Variants in MYF6 observed in about 807,000 individuals in gnomAD.
The protein encoded by MYF6 is myogenic factor 6.
Under a neutral mutation model 21.7 loss-of-function variants are expected in MYF6, and 20 were observed. That is an observed-to-expected ratio of 0.92 (90% CI 0.65 to 1.34). The LOEUF (loss-of-function observed/expected upper bound fraction) is 1.34. MYF6 is among the 40% of genes most tolerant of loss of function. The pLI is 0.00. For missense variants in MYF6, 320 were observed against 304.1 expected (o/e 1.05, Z -0.39); for synonymous variants, 124 against 124.7 (o/e 0.99, Z 0.04).
rs34563783 is a variant in MYF6, at chr12:80,708,071, C to G, written c.352C>G (p.Arg118Gly). ...CAACGAGGCCTTCGAGGCACTGAAG[C>G]GGCGAACTGTGGCCAACCCCAACCA... ...KINEAFEALK[R>G]RTVANPNQRL... The change falls in exon 1 of 3, where the codon CGG becomes GGG. Residue 118 changes from arginine to glycine, a missense_variant. Physicochemically the swap from Arg to Gly is moderately radical, Grantham distance 125 (BLOSUM62 -2). Transcript: ENST00000228641. 3.4e-5 allele frequency: 55 copies of G among 1,614,036 alleles called. No individual in the cohort carries two copies. Among genetic ancestry groups the G allele is most frequent in the Non-Finnish European group, 4.4e-5 (52 of 1,180,048 alleles).
At position 80,708,526 on chromosome 12, in the gene MYF6, T is replaced by C. The variant is rs1043623666; in HGVS notation, c.522T>C (p.Leu174=). 6.2e-7 allele frequency: 1 copy of C among 1,605,800 alleles called. No homozygotes were observed. Among genetic ancestry groups the C allele is most frequent in the Non-Finnish European group, 8.5e-7 (1 of 1,175,312 alleles). ...CGCTGCCTTGGTTTTCCCTCCAGCTTGAGGGTGCGGATTTCCTGCGCACCT... is the reference window on the plus strand; with the variant it reads ...CGCTGCCTTGGTTTTCCCTCCAGCTCGAGGGTGCGGATTTCCTGCGCACCT... ...PFSYRPKQEN[L]EGADFLRTCS... is the part of the protein sequence containing the mutation. Residue 174 remains leucine (L), a splice_region_variant and synonymous_variant, in exon 2 of 3, where the codon CTT becomes CTC. Coordinates refer to ENST00000228641, the MANE Select transcript of MYF6 (RefSeq NM_002469.3).
At chr12:80,708,700 A>T (rs878942634) in intron 2 of MYF6, 86 bp downstream of exon 2, 2 of 1,530,972 alleles carry the variant, frequency 1.3e-6, no homozygotes, top group South Asian at 2.2e-5. Flanking sequence ...AAGCGAGAGC[A>T]GGGACGCGCC....
In MYF6 at chr12:80,707,994, C is replaced by A; in HGVS notation, c.275C>A (p.Thr92Asn). Reference protein sequence around the residue: ...CKTCKRKSAPTDRRKAATLRE... With the variant: ...CKTCKRKSAPNDRRKAATLRE... The stretch of plus-strand genomic sequence containing the variant: ...ACCTGCAAGAGAAAATCTGCCCCCA[C>A]TGACCGGCGAAAAGCCGCCACCCTG... The change falls in exon 1 of 3, where the codon ACT becomes AAT. Residue 92 changes from threonine to asparagine, a missense_variant. Thr to Asn is a moderately conservative substitution (Grantham distance 65). Transcript: ENST00000228641. 3 of 1,614,172 alleles carry A rather than the reference C, an allele frequency of 1.9e-6. No individual in the cohort carries two copies. The highest frequency in any genetic ancestry group is 2.5e-6 in the Non-Finnish European group (3 of 1,180,044).
rs1868404719 is a variant in MYF6, at chr12:80,708,346, C to A, written c.519+108C>A. On this transcript the variant is annotated intron_variant, in intron 1 of 2. Transcript: ENST00000228641. ...TCTTTTTTCCCTTCCCCCTTTCTCG[C>A]CCGCCCCTCCCGCTCCGTCTCTAAT... The A allele has an allele frequency of 2.7e-6, 4 of 1,455,330 alleles. No individual in the cohort carries two copies. In the Admixed American group the frequency reaches 8.0e-5, roughly 29 times the overall value. The allele number at this position is 1,455,330 out of a possible 1,614,324, so 90.2% of individuals were successfully genotyped here. A position where few individuals can be genotyped will look rare whatever the true frequency, so the allele number is the denominator to read the frequency against.
Position 80,708,606 on chromosome 12 carries a change from C to G in MYF6, c.602C>G (p.Ala201Gly), listed in dbSNP as rs375228457. ...CATTCCAGGGGGCTCGTGATAACGG[C>G]TAAGGAAGGTAAAGTAAAAGGGCTC... ...SDHSRGLVITAKEGGASIDSS... is the reference protein window; with the variant it reads ...SDHSRGLVITGKEGGASIDSS... The change falls in exon 2 of 3, where the codon GCT becomes GGT. Residue 201 changes from alanine to glycine, a missense_variant. Ala to Gly is a moderately conservative substitution (Grantham distance 60). Coordinates refer to ENST00000228641, the MANE Select transcript of MYF6 (RefSeq NM_002469.3). 1 of 1,614,086 alleles carries G rather than the reference C, an allele frequency of 6.2e-7. No individual in the cohort carries two copies. The highest frequency in any genetic ancestry group is 2.2e-5 in the East Asian group (1 of 44,850).
chr12:80,707,878 G>C lies in MYF6; in HGVS notation c.159G>C (p.Gly53=). 1 of 1,614,206 alleles carries C rather than the reference G, an allele frequency of 6.2e-7. No individual in the cohort carries two copies. ...PCQDQMPPEA[G]SDSSGEEHVL... ...AGGACCAAATGCCCCCGGAAGCGGG[G>C]AGCGACAGCAGCGGAGAGGAACATG... Residue 53 remains glycine (G), a synonymous_variant, in exon 1 of 3, where the codon GGG becomes GGC. Transcript: ENST00000228641.
Position 80,708,971 on chromosome 12 carries a change from G to A in MYF6, c.*11G>A, listed in dbSNP as rs900475235. 6.3e-7 allele frequency: 1 copy of A among 1,588,422 alleles called. No individual in the cohort carries two copies. The highest frequency in any genetic ancestry group is 2.2e-5 in the East Asian group (1 of 44,772). ...GTGGTGGAGAAGTAACTGAGCCTGC[G>A]CTTGAGACCTTCTCCACGCAGCAGG... On this transcript the variant is annotated 3_prime_UTR_variant, in exon 3 of 3. Transcript: ENST00000228641.
Position 80,709,274 on chromosome 12 carries a change from G to T in MYF6, c.*314G>T, listed in dbSNP as rs886524913. The T allele has an allele frequency of 7.2e-6, 2 of 278,090 alleles. No homozygotes were observed. The highest frequency in any genetic ancestry group is 5.0e-5 in the South Asian group (1 of 20,002). 17.2% of individuals were successfully genotyped at this position (278,090 alleles called of 1,614,324 possible). A position where few individuals can be genotyped will look rare whatever the true frequency, so the allele number is the denominator to read the frequency against. ...TAACTTTTATTACGGTGATCCTTTT[G>T]TGCCATGTTCAAAAGAAGTTCATTC... On this transcript the variant is annotated 3_prime_UTR_variant, in exon 3 of 3. Transcript: ENST00000228641.
At position 80,707,941 on chromosome 12, in the gene MYF6, C is replaced by G; in HGVS notation, c.222C>G (p.Pro74=). The stretch of plus-strand genomic sequence containing the variant: ...CGGGCCTGCAGCCTCCACACTGCCC[C>G]GGCCAGTGTCTGATCTGGGCTTGCA... ...APPGLQPPHC[P]GQCLIWACKT... The change falls in exon 1 of 3, where the codon CCC becomes CCG. Residue 74 remains proline, a synonymous_variant. Transcript: ENST00000228641. 1 of 1,614,150 alleles carries G rather than the reference C, an allele frequency of 6.2e-7. No individual in the cohort carries two copies. Among genetic ancestry groups the G allele is most frequent in the East Asian group, 2.2e-5 (1 of 44,866 alleles).
Position 80,708,245 on chromosome 12 carries a change from C to T in MYF6, c.519+7C>T. The T allele has an allele frequency of 1.9e-6, 3 of 1,607,240 alleles. No homozygotes were observed. The highest frequency in any genetic ancestry group is 1.7e-6 in the Non-Finnish European group (2 of 1,178,552). Reference sequence around the variant, plus strand: ...CAGACCCAAACAAGAAAATGTAAGCCTAGATGCTGCCGGGGCAGGGAAATG... The same window carrying T: ...CAGACCCAAACAAGAAAATGTAAGCTTAGATGCTGCCGGGGCAGGGAAATG... On this transcript the variant is annotated splice_region_variant and intron_variant, in intron 1 of 2. Coordinates refer to ENST00000228641, the MANE Select transcript of MYF6 (RefSeq NM_002469.3).
intron 2 of MYF6, 45 bp downstream of exon 2, chr12:80,708,659 G>A (rs760817661): frequency 1.9e-6 from 3 of 1,593,994 alleles, no homozygotes; most frequent in Admixed American, 1.7e-5. Context: ...AATCCGGGAG[G>A]TGGATAGGAT....
At chr12:80,708,288 C>G (rs767696453) in intron 1 of MYF6, 50 bp downstream of exon 1, 1 of 1,581,906 alleles carries the variant, frequency 6.3e-7, no homozygotes. Flanking sequence ...TGATTAAACG[C>G]CTTCCGCGGG....
chr12:80,707,642 A>G lies in MYF6; in HGVS notation c.-78A>G, dbSNP rs1868381531. 6.4e-7 allele frequency: 1 copy of G among 1,553,016 alleles called. No homozygotes were observed. Among genetic ancestry groups the G allele is most frequent in the South Asian group, 1.1e-5 (1 of 89,192 alleles). On this transcript the variant is annotated 5_prime_UTR_variant, in exon 1 of 3. Coordinates refer to ENST00000228641, the MANE Select transcript of MYF6 (RefSeq NM_002469.3). Reference sequence around the variant, plus strand: ...TCGACTTATGTCACTGCACTAATTAAATGCCATCTGGGTGGTTCCTCTGGG... The same window carrying G: ...TCGACTTATGTCACTGCACTAATTAGATGCCATCTGGGTGGTTCCTCTGGG...
At position 80,708,958 on chromosome 12, in the gene MYF6, T is replaced by A. The variant is rs762081940; in HGVS notation, c.727T>A (p.Ter243LysextTer24). Reference sequence around the variant, plus strand: ...CTGCGTGGAGGAAGTGGTGGAGAAGTAACTGAGCCTGCGCTTGAGACCTTC... The same window carrying A: ...CTGCGTGGAGGAAGTGGTGGAGAAGAAACTGAGCCTGCGCTTGAGACCTTC... ...LPCVEEVVEK[*>K] The change falls in exon 3 of 3, where the codon TAA becomes AAA. Residue 243 changes from the stop codon to lysine, a stop_lost. Coordinates refer to ENST00000228641, the MANE Select transcript of MYF6 (RefSeq NM_002469.3). 2.5e-6 allele frequency: 4 copies of A among 1,609,122 alleles called. No homozygotes were observed. The South Asian group carries it at 4.4e-5, about 18-fold the overall frequency.
At position 80,709,074 on chromosome 12, in the gene MYF6, A is replaced by G. The variant is rs1353576256; in HGVS notation, c.*114A>G. 4.8e-6 allele frequency: 4 copies of G among 841,368 alleles called. No homozygotes were observed. The South Asian group carries it at 5.8e-5, about 12-fold the overall frequency. The allele number at this position is 841,368 out of a possible 1,614,324, so 52.1% of individuals were successfully genotyped here. On this transcript the variant is annotated 3_prime_UTR_variant, in exon 3 of 3. Transcript: ENST00000228641. ...TTAACATTTAGGAACCCAGACCGAAAAGTTGCTGAAAGGGAAGGAGACACA... is the reference window on the plus strand; with the variant it reads ...TTAACATTTAGGAACCCAGACCGAAGAGTTGCTGAAAGGGAAGGAGACACA...
chr12:80,708,516 C>G lies in MYF6; in HGVS notation c.520-8C>G. The G allele has an allele frequency of 7.0e-7, 1 of 1,437,104 alleles. No individual in the cohort carries two copies. Among genetic ancestry groups the G allele is most frequent in the Non-Finnish European group, 9.4e-7 (1 of 1,067,222 alleles). 89.0% of individuals were successfully genotyped at this position (1,437,104 alleles called of 1,614,324 possible). On this transcript the variant is annotated splice_region_variant and splice_polypyrimidine_tract_variant and intron_variant, in intron 1 of 2. Coordinates refer to ENST00000228641, the MANE Select transcript of MYF6 (RefSeq NM_002469.3). The stretch of plus-strand genomic sequence containing the variant: ...CCTAATCTGCCGCTGCCTTGGTTTT[C>G]CCTCCAGCTTGAGGGTGCGGATTTC...
Position 80,708,915 on chromosome 12 carries a change from G to A in MYF6, c.684G>A (p.Ser228=), listed in dbSNP as rs775844624. Residue 228 remains serine, a synonymous_variant, in exon 3 of 3, where the codon TCG becomes TCA. Coordinates refer to ENST00000228641, the MANE Select transcript of MYF6 (RefSeq NM_002469.3). ...CLSSIVDSIS[S]EERKLPCVEE... Reference sequence around the variant, plus strand: ...CTTCCATCGTGGACAGTATTTCCTCGGAGGAACGCAAACTCCCCTGCGTGG... The same window carrying A: ...CTTCCATCGTGGACAGTATTTCCTCAGAGGAACGCAAACTCCCCTGCGTGG... 1.9e-6 allele frequency: 3 copies of A among 1,614,192 alleles called. No homozygotes were observed. Among genetic ancestry groups the A allele is most frequent in the East Asian group, 2.2e-5 (1 of 44,872 alleles).
chr12:80,708,980 C>A lies in MYF6; in HGVS notation c.*20C>A. On this transcript the variant is annotated 3_prime_UTR_variant, in exon 3 of 3. Transcript: ENST00000228641. ...AAGTAACTGAGCCTGCGCTTGAGAC[C>A]TTCTCCACGCAGCAGGAAGATCCCA... 2.6e-6 allele frequency: 4 copies of A among 1,558,286 alleles called. No individual in the cohort carries two copies. Among genetic ancestry groups the A allele is most frequent in the South Asian group, 1.1e-5 (1 of 89,930 alleles).
Position 80,708,008 on chromosome 12 carries a change from G to A in MYF6, c.289G>A (p.Ala97Thr), listed in dbSNP as rs1420799075. 2.5e-6 allele frequency: 4 copies of A among 1,614,036 alleles called. No homozygotes were observed. The African/African-American group carries it at 5.3e-5, about 22-fold the overall frequency. The change falls in exon 1 of 3, where the codon GCC (alanine) becomes ACC (threonine). Residue 97 changes from alanine to threonine, a missense_variant. Ala to Thr is a moderately conservative substitution (Grantham distance 58, BLOSUM62 0). Coordinates refer to ENST00000228641, the MANE Select transcript of MYF6 (RefSeq NM_002469.3). ...ATCTGCCCCCACTGACCGGCGAAAA[G>A]CCGCCACCCTGCGCGAAAGGAGGAG... ...RKSAPTDRRK[A>T]ATLRERRRLK...
Sources: allele counts gnomAD v4.1 joint callset, GRCh38; gene constraint gnomAD v4.1.1; transcripts MANE v1.5; gene names NCBI Gene and HGNC (gene_info 2026-07-23, HGNC 2026-07-21).